Variants in OTOF observed in about 807,000 individuals in gnomAD.
OTOF encodes the protein otoferlin.
In OTOF, 218 loss-of-function variants were observed where a neutral mutation model predicts 236.8. The ratio of observed to expected loss-of-function variants is 0.92; its 90% CI spans 0.82 to 1.03. The LOEUF is 1.03. OTOF is among the 50% of genes least tolerant of loss of function. OTOF has a pLI of 0.00. For synonymous variants in OTOF, 1,041 were observed against 1,072.5 expected, an observed-to-expected ratio of 0.97 and a Z score of 0.57; for missense variants, 2,590 against 2,694.4, an observed-to-expected ratio of 0.96 and a Z score of 0.86.
At chr2:26,546,997 C>T (rs1406876019) in intron 1 of OTOF, among the ~76,000 whole-genome samples, 1 of 151,968 alleles carries the variant, frequency 6.6e-6, no homozygotes, top group African/African-American at 2.4e-5. Flanking sequence ...TTGTTTTTAC[C>T]TTGCCACCTT....
chr2:26,511,112 G>A (rs1666376173), intron 5 of OTOF, among the ~76,000 whole-genome samples: 1 of 152,216 alleles, frequency 6.6e-6, no homozygotes, highest in African/African-American at 2.4e-5. Flanking sequence ...GGTTAGATGA[G>A]CCTGGCCACC....
Position 26,476,890 on chromosome 2 carries a change from C to A in OTOF, c.2676+1G>T. The stretch of plus-strand genomic sequence containing the variant: ...CCCATCCATCCTGCCCCCTCCAGCA[C>A]CTTAAGGAAGAGCGTCTTGACCTTG... On this transcript the variant is annotated splice_donor_variant, in intron 22 of 46. Coordinates refer to ENST00000272371, the MANE Select transcript of OTOF (RefSeq NM_194248.3). LOFTEE classifies it high-confidence loss of function. 2 of 1,608,870 alleles carry A rather than the reference C, an allele frequency of 1.2e-6. No individual in the cohort carries two copies. The highest frequency in any genetic ancestry group is 1.1e-5 in the South Asian group (1 of 91,062).
intron 2 of OTOF, among the ~76,000 whole-genome samples, chr2:26,537,081 C>T (rs1369746822): frequency 6.6e-6 from 1 of 152,150 alleles, no homozygotes; most frequent in African/African-American, 2.4e-5. Context: ...TGACAACAGC[C>T]CAGCTGGAGT....
chr2:26,464,525 T>A (rs1164053823), intron 39 of OTOF, among the ~76,000 whole-genome samples: 1 of 152,164 alleles, frequency 6.6e-6, no homozygotes, highest in Non-Finnish European at 1.5e-5. Context: ...CCTGGGCCGA[T>A]GCCCTCGCTC....
intron 1 of OTOF, among the ~76,000 whole-genome samples, chr2:26,557,150 T>A (rs1353700524): frequency 2.0e-5 from 3 of 152,120 alleles, no homozygotes; most frequent in African/African-American, 7.2e-5. Context: ...GGCCTCTGGG[T>A]AGGTGATGTG....
In OTOF at chr2:26,477,333, C is replaced by A; in HGVS notation, c.2407-45G>T. On this transcript the variant is annotated intron_variant, in intron 20 of 46. Coordinates refer to ENST00000272371, the MANE Select transcript of OTOF (RefSeq NM_194248.3). This position sits in a 1 kb window ranked among gnomAD's most constrained non-coding sequence, Gnocchi z 4.7. ...AGTGAACCCAGCAACTGGGGGACAG[C>A]TCGGGCCATGACAAAGGGGGTTGTG... The A allele has an allele frequency of 6.3e-7, 1 of 1,596,956 alleles. No homozygotes were observed. Among genetic ancestry groups the A allele is most frequent in the Non-Finnish European group, 8.6e-7 (1 of 1,169,528 alleles).
chr2:26,476,290 CCG>C lies in OTOF; in HGVS notation c.2702_2703del (p.Ser901CysfsTer100). On this transcript the variant is annotated frameshift_variant, in exon 23 of 47. Transcript: ENST00000272371. LOFTEE classifies it high-confidence loss of function. ...ACCTTGGCCTGCACTGTCCAGCCTGCCGAGCCGAAGCCCCGCTTCCCTGGCAG... is the reference window on the plus strand; with the variant it reads ...ACCTTGGCCTGCACTGTCCAGCCTGCAGCCGAAGCCCCGCTTCCCTGGCAG... ...LKLPGKRGFG[S>X]AGWTVQAKVE... 6.2e-7 allele frequency: 1 copy of C among 1,603,968 alleles called. No homozygotes were observed. The highest frequency in any genetic ancestry group is 1.1e-5 in the South Asian group (1 of 91,026).
chr2:26,494,989 T>G lies in OTOF; in HGVS notation c.850A>C (p.Lys284Gln). 1 of 1,614,132 alleles carries G rather than the reference T, an allele frequency of 6.2e-7. No individual in the cohort carries two copies. The highest frequency in any genetic ancestry group is 1.1e-5 in the South Asian group (1 of 91,072). Residue 284 changes from lysine to glutamine, a missense_variant, in exon 9 of 47, where the codon AAG becomes CAG. Around this residue, in one of 2 missense-constraint regions of OTOF, gnomAD observed 1,379 missense variants for 1,341.6 expected, o/e 1.03. Transcript: ENST00000272371. ...VVCVEVGDDKKYTSMKESTNC... is the reference protein window; with the variant it reads ...VVCVEVGDDKQYTSMKESTNC... ...GTGGACTCCTTCATGGATGTGTACTTCTTGTCGTCACCCACCTCCACGCAC... is the reference window on the plus strand; with the variant it reads ...GTGGACTCCTTCATGGATGTGTACTGCTTGTCGTCACCCACCTCCACGCAC...
intron 11 of OTOF, 145 bp downstream of exon 11, chr2:26,489,066 G>A: frequency 4.2e-6 from 3 of 709,576 alleles, no homozygotes; most frequent in East Asian, 2.7e-5. Flanking sequence ...TTCTCCGCAG[G>A]CCAGATGGCT....
At chr2:26,499,123 T>C (rs73920297) in intron 8 of OTOF, among the ~76,000 whole-genome samples, 9,599 of 152,112 alleles carry the variant, frequency 0.063, 1,029 homozygotes, top group African/African-American at 0.22. Context: ...TCAAGACCCC[T>C]TGATCCACCA....
At position 26,467,250 on chromosome 2, in the gene OTOF, T is replaced by G; in HGVS notation, c.4228-17A>C. The G allele has an allele frequency of 2.5e-6, 4 of 1,614,116 alleles. No individual in the cohort carries two copies. The highest frequency in any genetic ancestry group is 3.4e-6 in the Non-Finnish European group (4 of 1,180,022). The stretch of plus-strand genomic sequence containing the variant: ...GGGGTATACCTGAGACAGACCAGGC[T>G]GTTAGGGGGCGGCTGCCTGGTCTCT... On this transcript the variant is annotated splice_polypyrimidine_tract_variant and intron_variant, in intron 34 of 46. Transcript: ENST00000272371.
rs577397456 is a variant in OTOF, at chr2:26,482,607, A to C, written c.1393-15T>G. 258 of 1,609,238 alleles carry C rather than the reference A, an allele frequency of 1.6e-4. 2 individuals are homozygous for C. The South Asian group carries it at 2.7e-3, about 17-fold the overall frequency. On this transcript the variant is annotated splice_polypyrimidine_tract_variant and intron_variant, in intron 13 of 46. Transcript: ENST00000272371. ...GAAGTCTTGCCCTGGTGGAAGGGGG[A>C]GCACAGGTGAGGGCGTGGCATGTGT...
At position 26,476,045 on chromosome 2, in the gene OTOF, G is replaced by C. The variant is rs766747948; in HGVS notation, c.2867-7C>G. ...AGCTGGAACGCCTGCTTCTCTGTGGGGAAGGGCAGCCTGAGGTTCCAGGAT... is the reference window on the plus strand; with the variant it reads ...AGCTGGAACGCCTGCTTCTCTGTGGCGAAGGGCAGCCTGAGGTTCCAGGAT... On this transcript the variant is annotated splice_polypyrimidine_tract_variant and splice_region_variant and intron_variant, in intron 23 of 46. Transcript: ENST00000272371. 1 of 1,612,686 alleles carries C rather than the reference G, an allele frequency of 6.2e-7. No homozygotes were observed. Among genetic ancestry groups the C allele is most frequent in the East Asian group, 2.2e-5 (1 of 44,866 alleles).
rs1665946861 is a variant in OTOF at position 26,495,053 on chromosome 2, C to T, written c.786G>A (p.Glu262=). Residue 262 remains glutamate (E), a synonymous_variant, in exon 9 of 47, where the codon GAG becomes GAA. Coordinates refer to ENST00000272371, the MANE Select transcript of OTOF (RefSeq NM_194248.3). ...TGTTCAAGCCCACCAGCTGCCGGGC[C>T]TCGATCACCGTGATGCTGACCTGCA... ...MDYQVSITVI[E]ARQLVGLNMD... The T allele has an allele frequency of 1.9e-6, 3 of 1,614,082 alleles. No individual in the cohort carries two copies. In the Admixed American group the frequency reaches 5.0e-5, roughly 27 times the overall value.
intron 2 of OTOF, among the ~76,000 whole-genome samples, chr2:26,530,649 C>G (rs1572482444): frequency 6.6e-6 from 1 of 152,278 alleles, no homozygotes; most frequent in East Asian, 1.9e-4. Context: ...CTTTTCCTTC[C>G]CTCCCGCATC....
At chr2:26,486,361 T>G in intron 11 of OTOF, among the ~76,000 whole-genome samples, 1 of 142,736 alleles carries the variant, frequency 7.0e-6, no homozygotes, top group African/African-American at 2.7e-5. Context: ...CCAATGGATA[T>G]ATGGATTGGT....
At chr2:26,516,900 G>A (rs1318221786) in intron 4 of OTOF, among the ~76,000 whole-genome samples, 1 of 152,138 alleles carries the variant, frequency 6.6e-6, no homozygotes, top group East Asian at 1.9e-4. Flanking sequence ...AACTGAGCCT[G>A]GACTCACCCC....
At chr2:26,487,920 G>A (rs1267625427) in intron 11 of OTOF, among the ~76,000 whole-genome samples, 1 of 152,240 alleles carries the variant, frequency 6.6e-6, no homozygotes, top group Admixed American at 6.5e-5. Flanking sequence ...CAAAGGCACT[G>A]GCCTGGGAGC....
chr2:26,552,931 C>T (rs970472521), intron 1 of OTOF, among the ~76,000 whole-genome samples: 2 of 152,156 alleles, frequency 1.3e-5, no homozygotes, highest in African/African-American at 4.8e-5. Flanking sequence ...GGACCACAGC[C>T]CACAGACAGG....
Sources: gnomAD v4.1 joint callset for allele counts (sites outside exome capture counted in the v4.1 genomes callset) on GRCh38, gnomAD v4.1.1 for gene constraint, gnomAD v4.1.1 regional missense constraint, Gnocchi (gnomAD v3.1) non-coding constraint, MANE v1.5 for transcripts, NCBI Gene and HGNC (gene_info 2026-07-23, HGNC 2026-07-21) for gene names.